Variants in SPG11 observed in about 807,000 individuals in gnomAD.
SPG11 encodes SPG11 vesicle trafficking associated, spatacsin, also known as spatacsin.
SPG11 carries 222 observed loss-of-function variants against 274.0 expected under a neutral mutation model. The ratio of observed to expected loss-of-function variants is 0.81; its 90% confidence interval spans 0.73 to 0.91. The LOEUF is 0.91. SPG11 is among the 40% of genes least tolerant of loss of function. The pLI is 0.00. For missense variants in SPG11, 3,114 were observed against 2,872.7 expected, an observed-to-expected ratio of 1.08 and a Z score of -1.92; for synonymous variants, 1,144 against 1,039.7, an observed-to-expected ratio of 1.10 and a Z score of -1.93.
chr15:44,619,489 T>TCC (rs1361971098), intron 15 of SPG11, among the ~76,000 whole-genome samples: 2 of 152,154 alleles, frequency 1.3e-5, no homozygotes, highest in Admixed American at 1.3e-4. Flanking sequence ...CCTCATTATT[T>TCC]CTTAATTCAG....
intron 7 of SPG11, among the ~76,000 whole-genome samples, chr15:44,635,354 T>C (rs1013014821): frequency 6.6e-6 from 1 of 151,642 alleles, no homozygotes; most frequent in African/African-American, 2.4e-5. Flanking sequence ...GCGAGAAGAC[T>C]GCTTGAGCCC....
In SPG11 at chr15:44,626,347, T is replaced by C. The variant is rs199617257; in HGVS notation, c.2228A>G (p.Glu743Gly). The C allele has an allele frequency of 1.6e-5, 26 of 1,612,296 alleles. No homozygotes were observed. The highest frequency in any genetic ancestry group is 1.7e-5 in the Non-Finnish European group (20 of 1,179,694). Residue 743 changes from glutamate to glycine, a missense_variant, in exon 11 of 40, where the codon GAA becomes GGA. By Grantham distance (98) the Glu-to-Gly change is moderately conservative. Coordinates refer to ENST00000261866, the MANE Select transcript of SPG11 (RefSeq NM_025137.4). ...LKKNNIKEAS[E>G]LLKNMGFDVK... ...ACCACTCACCATATTCTTCAAAAGT[T>C]CAGAGGCTTCCTTTATATTGTTCTT...
At chr15:44,627,028 T>C (rs1249842258) in intron 10 of SPG11, among the ~76,000 whole-genome samples, 1 of 152,186 alleles carries the variant, frequency 6.6e-6, no homozygotes, top group African/African-American at 2.4e-5. Flanking sequence ...GAGTAGCAGA[T>C]GAGACTTGAA....
intron 7 of SPG11, among the ~76,000 whole-genome samples, chr15:44,642,716 A>G (rs1039985218): frequency 6.6e-6 from 1 of 151,660 alleles, no homozygotes; most frequent in African/African-American, 2.4e-5. Flanking sequence ...AAAAAATAAT[A>G]AAAATTATCT....
chr15:44,663,047 G>A (rs74828594), intron 1 of SPG11, among the ~76,000 whole-genome samples: 3,017 of 152,338 alleles, frequency 0.02, 110 homozygotes, highest in African/African-American at 0.068. Context: ...CATGGGACTC[G>A]ACCCTGTGAC....
chr15:44,596,482 T>C (rs1429249025), intron 24 of SPG11, 127 bp from the exon 25 acceptor site: 8 of 1,125,192 alleles, frequency 7.1e-6, no homozygotes, highest in Non-Finnish European at 1.0e-5. Flanking sequence ...GTGACTATTA[T>C]GTAATTTTAC....
chr15:44,597,258 A>C (rs906385630), intron 23 of SPG11: 1 of 293,620 alleles, frequency 3.4e-6, no homozygotes, highest in Non-Finnish European at 6.6e-6. Flanking sequence ...GATTACAGGC[A>C]TGTGCCACCA....
At chr15:44,596,738 G>A (rs993371768) in intron 24 of SPG11, 46 bp downstream of exon 24, 1 of 1,295,010 alleles carries the variant, frequency 7.7e-7, no homozygotes, top group Admixed American at 1.9e-5. Flanking sequence ...CTTCTAAGAA[G>A]TGTTCCTATT....
chr15:44,611,722 CA>C (rs1378018335), intron 17 of SPG11, among the ~76,000 whole-genome samples: 1 of 151,344 alleles, frequency 6.6e-6, no homozygotes, highest in Admixed American at 6.6e-5. Context: ...AAAATGCCCT[CA>C]TTGTCGGAAA....
At chr15:44,625,308 C>T (rs954403745) in intron 11 of SPG11, among the ~76,000 whole-genome samples, 1 of 152,084 alleles carries the variant, frequency 6.6e-6, no homozygotes, top group Non-Finnish European at 1.5e-5. Flanking sequence ...GTAGCTAGGA[C>T]TACAGGTGTG....
At chr15:44,652,963 T>G (rs1566827888) in intron 4 of SPG11, among the ~76,000 whole-genome samples, 1 of 152,136 alleles carries the variant, frequency 6.6e-6, no homozygotes, top group Non-Finnish European at 1.5e-5. Context: ...CAAAGTAAGA[T>G]TTAGGCTGCG....
chr15:44,574,399 G>C (rs1353805592), intron 31 of SPG11, among the ~76,000 whole-genome samples: 18 of 152,264 alleles, frequency 1.2e-4, no homozygotes, highest in Middle Eastern at 3.4e-3. Context: ...AATTTCCAAA[G>C]AAGTCTTTGA....
intron 17 of SPG11, 145 bp downstream of exon 17, chr15:44,613,285 T>C (rs980552567): frequency 1.1e-5 from 7 of 654,102 alleles, no homozygotes; most frequent in African/African-American, 1.8e-5. Flanking sequence ...TTCTGCTTCT[T>C]ACCTCAAGTG....
intron 36 of SPG11, 93 bp from the exon 37 acceptor site, chr15:44,566,398 T>C (rs1595817937): frequency 2.3e-6 from 3 of 1,278,112 alleles, no homozygotes. Context: ...AATAGAAACA[T>C]CCCAGCCATG....
At chr15:44,622,633 A>T in intron 12 of SPG11, 95 bp downstream of exon 12, 1 of 1,063,418 alleles carries the variant, frequency 9.4e-7, no homozygotes, top group Non-Finnish European at 1.4e-6. Context: ...GTTGAACATT[A>T]AAATTACTTA....
chr15:44,636,474 C>T (rs1264585991), intron 7 of SPG11, among the ~76,000 whole-genome samples: 2 of 149,694 alleles, frequency 1.3e-5, no homozygotes, highest in African/African-American at 2.4e-5. Flanking sequence ...ATCCTGGCTA[C>T]CATGGTGAAA....
rs138137481 is a variant in SPG11, at chr15:44,637,243, T to C, written c.1603-3606A>G. On this transcript the variant is annotated intron_variant, in intron 7 of 39. Transcript: ENST00000261866. ...AACGTCTCATAGTGGTTAAGAAGGATTGAGCAAAGTGTCAACAGTCTAACT... is the reference window on the plus strand; with the variant it reads ...AACGTCTCATAGTGGTTAAGAAGGACTGAGCAAAGTGTCAACAGTCTAACT... Among the ~76,000 whole-genome samples, 41 of 152,250 alleles carry C rather than the reference T, an allele frequency of 2.7e-4. No homozygotes were observed. In the East Asian group the frequency reaches 3.3e-3, roughly 12 times the overall value.
chr15:44,655,275 A>G (rs1239905962), intron 4 of SPG11, among the ~76,000 whole-genome samples: 1 of 152,180 alleles, frequency 6.6e-6, no homozygotes, highest in African/African-American at 2.4e-5. Flanking sequence ...AATAATAACA[A>G]CATAATTTTT....
chr15:44,608,657 A>C (rs772118652), intron 18 of SPG11, 52 bp from the exon 19 acceptor site: 1 of 1,579,378 alleles, frequency 6.3e-7, no homozygotes, highest in Admixed American at 1.8e-5. Flanking sequence ...TCTCTTCTCA[A>C]AGTTTCTTTT....
Sources: allele counts gnomAD v4.1 joint callset (sites outside exome capture counted in the v4.1 genomes callset), GRCh38; gene constraint gnomAD v4.1.1; transcripts MANE v1.5; gene names NCBI Gene and HGNC (gene_info 2026-07-23, HGNC 2026-07-21).